The following DNM1L variants were observed in gnomAD, a reference collection of about 807,000 sequenced individuals.
DNM1L encodes the protein dynamin-1-like protein.
A neutral mutation model predicts 92.8 loss-of-function variants in DNM1L; 33 were observed. That is an observed-to-expected ratio of 0.36 (90% CI 0.27 to 0.48). The LOEUF is 0.48. DNM1L is among the 20% of genes least tolerant of loss of function. The probability of loss-of-function intolerance (pLI) is 0.99; values close to 1 mark genes in which losing one functional copy is unlikely to be tolerated. For synonymous variants in DNM1L, 284 were observed against 305.0 expected (o/e 0.93, Z 0.72); for missense variants, 485 against 888.8 (o/e 0.55, Z 5.78).
chr12:32,745,292 A>G lies in DNM1L; in HGVS notation c.*1882A>G, dbSNP rs1055142936. 1 of 226,774 alleles carries G rather than the reference A, an allele frequency of 4.4e-6. No individual in the cohort carries two copies. The highest frequency in any genetic ancestry group is 2.4e-5 in the African/African-American group (1 of 42,308). 14.0% of individuals were successfully genotyped at this position (226,774 alleles called of 1,614,324 possible). A position where few individuals can be genotyped will look rare whatever the true frequency, so the allele number is the denominator to read the frequency against. ...CTTTGAATTTGTAAGGGGAAAAAAA[A>G]CAAAAACAAAAACTTACGATGCACT... On this transcript the variant is annotated 3_prime_UTR_variant, in exon 20 of 20. Transcript: ENST00000549701.
At position 32,722,166 on chromosome 12, in the gene DNM1L, G is replaced by A. The variant is rs140627938; in HGVS notation, c.873-261G>A. Among the ~76,000 whole-genome samples the A allele has an allele frequency of 1.9e-3, 292 of 152,262 alleles. 1 individual carries two copies. Among genetic ancestry groups the A allele is most frequent in the African/African-American group, 6.7e-3 (280 of 41,554 alleles). On this transcript the variant is annotated intron_variant, in intron 8 of 19. Coordinates refer to ENST00000549701, the MANE Select transcript of DNM1L (RefSeq NM_012062.5). ...TCTGGTGACCAGCTCCCATCCTGAA[G>A]CTATCTAGGGACCCCCAGCCACCAG...
chr12:32,711,056 ACTT>A, intron 5 of DNM1L, 41 bp downstream of exon 5: 7 of 1,520,916 alleles, frequency 4.6e-6, no homozygotes, highest in Non-Finnish European at 6.4e-6. Flanking sequence ...GGTTGTTTTC[ACTT>A]CGTTGACATC....
At chr12:32,689,913 C>T (rs1417921460) in intron 1 of DNM1L, among the ~76,000 whole-genome samples, 2 of 152,242 alleles carry the variant, frequency 1.3e-5, no homozygotes, top group Non-Finnish European at 2.9e-5. Flanking sequence ...AAAGATGACA[C>T]TGAGACCAGG....
At chr12:32,688,176 T>C (rs7135691) in intron 1 of DNM1L, among the ~76,000 whole-genome samples, 23,390 of 151,988 alleles carry the variant, frequency 0.15, 1,888 homozygotes, top group Middle Eastern at 0.21. Context: ...CTGCCCACCT[T>C]GGCCTCCCAA....
chr12:32,701,970 C>T (rs1490411702), intron 2 of DNM1L, among the ~76,000 whole-genome samples: 4 of 150,404 alleles, frequency 2.7e-5, no homozygotes, highest in Non-Finnish European at 4.4e-5. Context: ...TCAAGCCATC[C>T]GCCCGCCTTG....
chr12:32,732,586 AAG>A, intron 12 of DNM1L: 1 of 455,992 alleles, frequency 2.2e-6, no homozygotes, highest in Non-Finnish European at 4.4e-6. Context: ...GAGGTTTACT[AAG>A]AGTACAAAAC....
intron 9 of DNM1L, among the ~76,000 whole-genome samples, chr12:32,724,583 A>C (rs1306388944): frequency 3.2e-5 from 2 of 62,346 alleles, no homozygotes; most frequent in African/African-American, 1.0e-4. Context: ...CTCCAAAAAA[A>C]AAAAAAAAAA....
At chr12:32,725,510 A>C (rs1342536989) in intron 9 of DNM1L, 2 of 152,378 alleles carry the variant, frequency 1.3e-5, no homozygotes, top group East Asian at 3.9e-4. Context: ...ACAGTTAACT[A>C]TGTCACCTAT....
intron 17 of DNM1L, 25 bp downstream of exon 17, chr12:32,740,265 G>A: frequency 6.2e-7 from 1 of 1,614,194 alleles, no homozygotes; most frequent in Non-Finnish European, 8.5e-7. Context: ...TTTGGTTTAG[G>A]TAATAAGGTA....
At chr12:32,727,330 C>G in intron 9 of DNM1L, 1 of 811,960 alleles carries the variant, frequency 1.2e-6, no homozygotes, top group Non-Finnish European at 2.2e-6. Context: ...GCATTCACTC[C>G]TCTTTTAACT....
At chr12:32,680,975 G>T (rs546670742) in intron 1 of DNM1L, among the ~76,000 whole-genome samples, 90 of 152,288 alleles carry the variant, frequency 5.9e-4, no homozygotes, top group Non-Finnish European at 9.1e-4. Context: ...GGAAGTAAAA[G>T]AATTAGGGAT....
chr12:32,710,618 C>CAAAAAA (rs72384937), intron 4 of DNM1L, among the ~76,000 whole-genome samples: 1 of 88,898 alleles, frequency 1.1e-5, no homozygotes. Context: ...GACCTTGTCT[C>CAAAAAA]AAAAAAAAAA....
chr12:32,721,062 A>G (rs1953780033), intron 8 of DNM1L, among the ~76,000 whole-genome samples: 1 of 152,242 alleles, frequency 6.6e-6, no homozygotes, highest in African/African-American at 2.4e-5. Flanking sequence ...TTTTGTGGCT[A>G]GAACTAGAGA....
At chr12:32,737,515 A>C (rs1402901721) in intron 14 of DNM1L, 4 of 390,232 alleles carry the variant, frequency 1.0e-5, no homozygotes, top group South Asian at 5.4e-5. Context: ...CAGTATGCAC[A>C]GAACAGAGGT....
Position 32,743,335 on chromosome 12 carries a change from T to G in DNM1L, c.2155-19T>G. 1.4e-5 allele frequency: 23 copies of G among 1,611,884 alleles called. No individual in the cohort carries two copies. Among genetic ancestry groups the G allele is most frequent in the Non-Finnish European group, 2.0e-5 (23 of 1,179,024 alleles). On this transcript the variant is annotated intron_variant, in intron 19 of 19. Transcript: ENST00000549701. ...TAACTTTATAATAAGCATTTAAAAT[T>G]TTTTTTCCTTTAATGCAGGCATTAC...
At chr12:32,724,313 C>T (rs1953960202) in intron 9 of DNM1L, among the ~76,000 whole-genome samples, 1 of 152,158 alleles carries the variant, frequency 6.6e-6, no homozygotes, top group African/African-American at 2.4e-5. Flanking sequence ...CGCAGTGGCT[C>T]ACGCCTGTAA....
At chr12:32,688,986 C>CTCCTTGAGGGCTGTAGT (rs1952129891) in intron 1 of DNM1L, among the ~76,000 whole-genome samples, 1 of 152,104 alleles carries the variant, frequency 6.6e-6, no homozygotes, top group Admixed American at 6.6e-5. Context: ...TGCTTGAGCC[C>CTCCTTGAGGGCTGTAGT]AGGAGGTTGA....
At chr12:32,718,557 G>A in intron 6 of DNM1L, 86 bp from the exon 7 acceptor site, 1 of 1,566,136 alleles carries the variant, frequency 6.4e-7, no homozygotes, top group Admixed American at 1.7e-5. Flanking sequence ...GTAGATGAGG[G>A]TTTTCCTTTA....
chr12:32,690,873 C>G (rs1049875265), intron 1 of DNM1L, among the ~76,000 whole-genome samples: 1 of 152,078 alleles, frequency 6.6e-6, no homozygotes, highest in African/African-American at 2.4e-5. Context: ...AGAATACAAT[C>G]TGATGGCATT....
Sources: allele counts gnomAD v4.1 joint callset (sites outside exome capture counted in the v4.1 genomes callset), GRCh38; gene constraint gnomAD v4.1.1; transcripts MANE v1.5; gene names NCBI Gene and HGNC (gene_info 2026-07-23, HGNC 2026-07-21).